RAPGEF6: variants seen among roughly 807,000 people sequenced by gnomAD.
RAPGEF6 encodes PDZ domain containing guanine nucleotide exchange factor (GEF) 2.
RAPGEF6 carries 56 observed loss-of-function variants against 171.4 expected under a neutral mutation model. The observed-to-expected ratio is 0.33, with a 90% CI of 0.26 to 0.41. The LOEUF is 0.41. Among genes scored for constraint, RAPGEF6 ranks in the 10% least tolerant of loss-of-function variants. The probability of loss-of-function intolerance (pLI) is 1.00; values close to 1 mark genes in which losing one functional copy is unlikely to be tolerated. For missense variants in RAPGEF6, 1,674 were observed against 1,921.4 expected (o/e 0.87, Z 2.41); for synonymous variants, 692 against 650.1 (o/e 1.06, Z -0.98).
chr5:131,523,113 A>C (rs1346853481), intron 6 of RAPGEF6, among the ~76,000 whole-genome samples: 1 of 152,160 alleles, frequency 6.6e-6, no homozygotes, highest in Non-Finnish European at 1.5e-5. Flanking sequence ...AAAAGTATGG[A>C]ATAAACTCCA....
chr5:131,567,695 G>A (rs1762037148), intron 4 of RAPGEF6, among the ~76,000 whole-genome samples: 1 of 151,166 alleles, frequency 6.6e-6, no homozygotes, highest in Admixed American at 6.6e-5. Context: ...CATAAATCTT[G>A]AAAAAAAAGA....
In RAPGEF6 at chr5:131,479,627, G is replaced by A. The variant is rs1221403681; in HGVS notation, c.1967C>T (p.Ser656Leu). The A allele has an allele frequency of 6.2e-7, 1 of 1,613,888 alleles. No homozygotes were observed. The highest frequency in any genetic ancestry group is 1.1e-5 in the South Asian group (1 of 91,078). The change falls in exon 16 of 28, where the codon TCA (serine) becomes TTA (leucine). Residue 656 changes from serine (S) to leucine (L), a missense_variant. Ser to Leu is a moderately radical substitution (Grantham distance 145). This residue lies in a region of RAPGEF6 where 1,116 missense variants were observed against 1,321.5 expected (regional missense o/e 0.84). Transcript: ENST00000509018. ...QHVPGDIEQT[S>L]QEKGSKKVKA... is the part of the protein sequence containing the mutation. The stretch of plus-strand genomic sequence containing the variant: ...AACTTTCTTACTTCCTTTCTCCTGT[G>A]ATGTCTGTTCAATATCTCCTGGCAC...
At chr5:131,512,688 G>A (rs937618461) in intron 7 of RAPGEF6, among the ~76,000 whole-genome samples, 2 of 152,276 alleles carry the variant, frequency 1.3e-5, no homozygotes, top group African/African-American at 2.4e-5. Context: ...GCGATTGTCT[G>A]AATGTTTGTA....
At chr5:131,511,955 T>C in intron 7 of RAPGEF6, among the ~76,000 whole-genome samples, 1 of 152,180 alleles carries the variant, frequency 6.6e-6, no homozygotes, top group African/African-American at 2.4e-5. Context: ...AGAGCATCCT[T>C]TCTTAACTGG....
chr5:131,494,453 G>T (rs1489026297), intron 13 of RAPGEF6, among the ~76,000 whole-genome samples: 1 of 152,166 alleles, frequency 6.6e-6, no homozygotes, highest in Non-Finnish European at 1.5e-5. Flanking sequence ...AGTCAATATA[G>T]ATTTGATATT....
intron 17 of RAPGEF6, among the ~76,000 whole-genome samples, chr5:131,471,633 C>T (rs1754744693): frequency 6.6e-6 from 1 of 151,974 alleles, no homozygotes; most frequent in Non-Finnish European, 1.5e-5. Context: ...ATCTCAAATC[C>T]GTTAAGTGAT....
intron 1 of RAPGEF6, among the ~76,000 whole-genome samples, chr5:131,616,778 C>CT (rs879609482): frequency 2.7e-4 from 39 of 146,008 alleles, no homozygotes; most frequent in Admixed American, 5.5e-4. Flanking sequence ...CCACCCCCAG[C>CT]TTTTTTTTTT....
intron 4 of RAPGEF6, among the ~76,000 whole-genome samples, chr5:131,582,923 T>C (rs1428888938): frequency 1.3e-5 from 2 of 152,236 alleles, no homozygotes; most frequent in Admixed American, 6.5e-5. Context: ...AACTTATTGC[T>C]AGGTATTTTT....
intron 14 of RAPGEF6, among the ~76,000 whole-genome samples, chr5:131,491,685 G>A (rs1756294307): frequency 6.6e-6 from 1 of 152,164 alleles, no homozygotes; most frequent in Non-Finnish European, 1.5e-5. Context: ...GAACCCTGTT[G>A]AGAACTGCAA....
rs139559067 is a variant in RAPGEF6, at chr5:131,552,076, T to C, written c.352-3886A>G. On this transcript the variant is annotated intron_variant, in intron 5 of 27. Coordinates refer to ENST00000509018, the MANE Select transcript of RAPGEF6 (RefSeq NM_016340.6). ...CTACCAGACAGTTTCTGTCAAACTC[T>C]GAAGAAAAGATTTTTCACTCTGATG... Among the ~76,000 whole-genome samples, 158 of 152,128 alleles carry C rather than the reference T, an allele frequency of 1.0e-3. 1 individual carries two copies. The highest frequency in any genetic ancestry group is 3.6e-3 in the African/African-American group (151 of 41,514).
chr5:131,505,508 A>G lies in RAPGEF6; in HGVS notation c.957T>C (p.Tyr319=), dbSNP rs753829418. 3 of 1,613,272 alleles carry G rather than the reference A, an allele frequency of 1.9e-6. No individual in the cohort carries two copies. The highest frequency in any genetic ancestry group is 2.2e-5 in the East Asian group (1 of 44,766). Residue 319 remains tyrosine, a synonymous_variant, in exon 10 of 28, where the codon TAT becomes TAC. Transcript: ENST00000509018. ...LEDGQELDSW[Y]VILNGTVEIS... is the part of the protein sequence containing the mutation. The stretch of plus-strand genomic sequence containing the variant: ...TTTCCACAGTGCCGTTTAAAATAAC[A>G]TACCATGAGTCAAGCTATAGAGAAA...
At chr5:131,604,218 G>C (rs1056622755) in intron 2 of RAPGEF6, among the ~76,000 whole-genome samples, 3 of 152,048 alleles carry the variant, frequency 2.0e-5, no homozygotes, top group Non-Finnish European at 2.9e-5. Flanking sequence ...ACTACAAAAA[G>C]ATAACAGGAG....
chr5:131,536,878 C>G (rs1053765862), intron 6 of RAPGEF6, among the ~76,000 whole-genome samples: 1 of 152,110 alleles, frequency 6.6e-6, no homozygotes, highest in Non-Finnish European at 1.5e-5. Context: ...AAAAAATGAA[C>G]TCTCATTTAA....
chr5:131,467,753 CA>C (rs1415103759), intron 17 of RAPGEF6, among the ~76,000 whole-genome samples: 1 of 152,126 alleles, frequency 6.6e-6, no homozygotes, highest in African/African-American at 2.4e-5. Context: ...TCTTGGAAGC[CA>C]GGGGCGGTAG....
At chr5:131,521,291 C>A in intron 7 of RAPGEF6, 99 bp downstream of exon 7, 1 of 1,248,790 alleles carries the variant, frequency 8.0e-7, no homozygotes, top group East Asian at 2.7e-5. Flanking sequence ...GCTTGAATTT[C>A]ATACTCTAAA....
intron 18 of RAPGEF6, chr5:131,463,796 T>A (rs1754121187): frequency 9.0e-7 from 1 of 1,117,006 alleles, no homozygotes; most frequent in Admixed American, 4.6e-5. Flanking sequence ...GTAGATACAG[T>A]CATTCAGATA....
intron 1 of RAPGEF6, among the ~76,000 whole-genome samples, chr5:131,620,102 T>C (rs1271894742): frequency 6.6e-6 from 1 of 152,246 alleles, no homozygotes; most frequent in Admixed American, 6.5e-5. Context: ...TTTCAGTTTT[T>C]ACTTTTTGTT....
chr5:131,631,949 A>G (rs977768334), intron 1 of RAPGEF6, among the ~76,000 whole-genome samples: 5 of 151,736 alleles, frequency 3.3e-5, no homozygotes, highest in Admixed American at 1.3e-4. Flanking sequence ...GTTGGCACAC[A>G]CCTGTAGTCC....
intron 1 of RAPGEF6, among the ~76,000 whole-genome samples, chr5:131,632,210 C>T (rs1766358727): frequency 6.6e-6 from 1 of 152,046 alleles, no homozygotes; most frequent in African/African-American, 2.4e-5. Context: ...ACTCCTCCTT[C>T]ATCTCTTACT....
Sources: gnomAD v4.1 joint callset for allele counts (sites outside exome capture counted in the v4.1 genomes callset) on GRCh38, gnomAD v4.1.1 for gene constraint, gnomAD v4.1.1 regional missense constraint, MANE v1.5 for transcripts, NCBI Gene and HGNC (gene_info 2026-07-23, HGNC 2026-07-21) for gene names.